The following CDK19 variants were observed in gnomAD, a reference collection of about 807,000 sequenced individuals.
CDK19 encodes the protein cyclin-dependent kinase 19.
CDK19 carries 20 observed loss-of-function variants against 68.3 expected under a neutral mutation model. The observed-to-expected ratio is 0.29, with a 90% CI of 0.21 to 0.43. The LOEUF (loss-of-function observed/expected upper bound fraction) is 0.43. CDK19 is among the 20% of genes least tolerant of loss of function. The pLI, the probability that CDK19 is intolerant of heterozygous loss-of-function variation, is 1.00. For missense variants in CDK19, 339 were observed against 623.5 expected (o/e 0.54, Z 4.86); for synonymous variants, 221 against 222.8 (o/e 0.99, Z 0.07).
At chr6:110,795,873 T>C (rs1325221446) in intron 1 of CDK19, among the ~76,000 whole-genome samples, 1 of 152,154 alleles carries the variant, frequency 6.6e-6, no homozygotes, top group Non-Finnish European at 1.5e-5. Context: ...TAAACACTGA[T>C]CATATCTACA....
At chr6:110,798,628 G>GAAAA (rs59236293) in intron 1 of CDK19, among the ~76,000 whole-genome samples, 1,674 of 46,098 alleles carry the variant, frequency 0.036, no homozygotes, top group Middle Eastern at 0.057. Context: ...TCTGTCTCCA[G>GAAAA]AAAAAAAAAA....
intron 2 of CDK19, among the ~76,000 whole-genome samples, chr6:110,686,879 A>C (rs746507149): frequency 6.6e-5 from 10 of 152,148 alleles, no homozygotes; most frequent in Non-Finnish European, 7.4e-5. Context: ...TACCTAACCC[A>C]TATCTTTATA....
At chr6:110,806,769 G>C (rs1416546671) in intron 1 of CDK19, among the ~76,000 whole-genome samples, 3 of 152,064 alleles carry the variant, frequency 2.0e-5, no homozygotes, top group African/African-American at 7.3e-5. Context: ...CTTGAGGTCA[G>C]GAGTTCGAGA....
At chr6:110,732,353 T>C (rs997790709) in intron 2 of CDK19, among the ~76,000 whole-genome samples, 15 of 151,872 alleles carry the variant, frequency 9.9e-5, no homozygotes, top group African/African-American at 3.1e-4. Context: ...CCAAAAAAAA[T>C]TTAGCTGGGT....
intron 8 of CDK19, among the ~76,000 whole-genome samples, chr6:110,624,253 G>T (rs1778945442): frequency 6.6e-6 from 1 of 152,032 alleles, no homozygotes; most frequent in Admixed American, 6.6e-5. Flanking sequence ...GGATAGGGAG[G>T]TGGGGCACAC....
At chr6:110,623,785 C>CATAT (rs1718803765) in intron 8 of CDK19, among the ~76,000 whole-genome samples, 1 of 138,640 alleles carries the variant, frequency 7.2e-6, no homozygotes, top group Non-Finnish European at 1.5e-5. Flanking sequence ...TACATATATA[C>CATAT]ACATATATAC....
intron 1 of CDK19, among the ~76,000 whole-genome samples, chr6:110,788,291 T>C (rs1028644413): frequency 6.6e-6 from 1 of 152,028 alleles, no homozygotes; most frequent in Admixed American, 6.6e-5. Flanking sequence ...GCTTCTCAAA[T>C]ATCTAGGACT....
chr6:110,812,246 G>A (rs1050937533), intron 1 of CDK19, among the ~76,000 whole-genome samples: 6 of 151,282 alleles, frequency 4.0e-5, no homozygotes, highest in Non-Finnish European at 7.4e-5. Flanking sequence ...TCAGCCTCCC[G>A]AGCAGCTGGG....
Position 110,700,474 on chromosome 6 carries a change from G to A in CDK19, c.205-29933C>T, listed in dbSNP as rs994350435. Reference sequence around the variant, plus strand: ...GAGAAAGATGTGGTCACAGGTGCTGGAGAGCTCTGGTCTGCCACTCCCGCT... The same window carrying A: ...GAGAAAGATGTGGTCACAGGTGCTGAAGAGCTCTGGTCTGCCACTCCCGCT... On this transcript the variant is annotated intron_variant, in intron 2 of 12. Transcript: ENST00000368911. The A allele has an allele frequency of 3.3e-5, 5 of 152,002 alleles. 1 individual carries two copies. Among genetic ancestry groups the A allele is most frequent in the African/African-American group, 1.2e-4 (5 of 41,356 alleles). The allele number at this position is 152,002 out of a possible 1,614,324, so 9.4% of individuals were successfully genotyped here. A position where few individuals can be genotyped will look rare whatever the true frequency, so the allele number is the denominator to read the frequency against.
intron 2 of CDK19, among the ~76,000 whole-genome samples, chr6:110,675,806 A>C: frequency 6.6e-6 from 1 of 152,188 alleles, no homozygotes; most frequent in East Asian, 1.9e-4. Flanking sequence ...ATTACTGCTC[A>C]TTAACAATGC....
chr6:110,714,164 C>T (rs894323353), intron 2 of CDK19, among the ~76,000 whole-genome samples: 4 of 152,182 alleles, frequency 2.6e-5, no homozygotes, highest in Non-Finnish European at 5.9e-5. Flanking sequence ...CTGGACATTT[C>T]ATATAAATGA....
At chr6:110,715,434 A>G (rs1023016988) in intron 2 of CDK19, among the ~76,000 whole-genome samples, 5 of 152,210 alleles carry the variant, frequency 3.3e-5, no homozygotes, top group Admixed American at 2.6e-4. Context: ...ATGAGTCTTT[A>G]ATGTCTTTAC....
Position 110,613,468 on chromosome 6 carries a change from G to A in CDK19, c.*1067C>T, listed in dbSNP as rs1038975184. The A allele has an allele frequency of 2.0e-5, 3 of 152,542 alleles. No homozygotes were observed. The highest frequency in any genetic ancestry group is 7.2e-5 in the African/African-American group (3 of 41,436). The allele number at this position is 152,542 out of a possible 1,614,324, so 9.4% of individuals were successfully genotyped here. On this transcript the variant is annotated 3_prime_UTR_variant, in exon 13 of 13. Transcript: ENST00000368911. ...AATACAAATACGAATGGAGAACACT[G>A]CTCTTTATTTTAAAAGCAGATTAAT... is the stretch of plus-strand genomic sequence containing the variant.
intron 2 of CDK19, among the ~76,000 whole-genome samples, chr6:110,699,666 C>T (rs1397140825): frequency 6.6e-6 from 1 of 152,036 alleles, no homozygotes; most frequent in East Asian, 1.9e-4. Flanking sequence ...TCAAAATTCA[C>T]CACTATATAA....
In CDK19 at chr6:110,748,819, C is replaced by T. The variant is rs542830059; in HGVS notation, c.129-2618G>A. 7.2e-5 allele frequency among the ~76,000 whole-genome samples: 11 copies of T among 152,310 alleles called. 1 individual carries two copies. The East Asian group carries it at 1.5e-3, about 21-fold the overall frequency. ...AGGAGTTCCTCCAAGTAGAGGAATT[C>T]ATACCTCACAGCTTAGATGTTTCAG... On this transcript the variant is annotated intron_variant, in intron 1 of 12. Transcript: ENST00000368911.
intron 1 of CDK19, among the ~76,000 whole-genome samples, chr6:110,791,103 G>A (rs1415480531): frequency 2.0e-5 from 3 of 151,778 alleles, no homozygotes; most frequent in South Asian, 2.1e-4. Context: ...CCTGGGAGGC[G>A]GAGGTTGCAG....
At chr6:110,631,766 C>T (rs547463440) in intron 6 of CDK19, among the ~76,000 whole-genome samples, 55 of 152,174 alleles carry the variant, frequency 3.6e-4, no homozygotes, top group Admixed American at 3.6e-3. Flanking sequence ...ATAAAATGTG[C>T]ATGTTATTGT....
At chr6:110,724,996 G>C (rs1197581525) in intron 2 of CDK19, among the ~76,000 whole-genome samples, 4 of 152,108 alleles carry the variant, frequency 2.6e-5, no homozygotes, top group African/African-American at 9.7e-5. Context: ...CAAAATCAAA[G>C]TGTCTCCAAC....
At chr6:110,764,050 T>C (rs945189371) in intron 1 of CDK19, among the ~76,000 whole-genome samples, 3 of 151,962 alleles carry the variant, frequency 2.0e-5, no homozygotes, top group Admixed American at 2.0e-4. Flanking sequence ...AACAAAAGTA[T>C]AAAATATATA....
Sources: allele counts gnomAD v4.1 joint callset (sites outside exome capture counted in the v4.1 genomes callset), GRCh38; gene constraint gnomAD v4.1.1; transcripts MANE v1.5; gene names NCBI Gene and HGNC (gene_info 2026-07-23, HGNC 2026-07-21).